Variants in QKI observed in about 807,000 individuals in gnomAD.
QKI encodes KH domain-containing RNA-binding protein QKI.
QKI carries 10 observed loss-of-function variants against 39.0 expected under a neutral mutation model. The ratio of observed to expected loss-of-function variants is 0.26; its 90% CI spans 0.16 to 0.43. QKI has a LOEUF of 0.43. Ranked by LOEUF, QKI falls within the 20% of genes least tolerant of loss-of-function variation. The pLI, the probability that QKI is intolerant of heterozygous loss-of-function variation, is 1.00. For synonymous variants in QKI, 204 were observed against 155.4 expected (o/e 1.31, Z -2.33); for missense variants, 218 against 428.0 (o/e 0.51, Z 4.33).
At chr6:163,454,069 T>TA (rs1790760946) in intron 1 of QKI, among the ~76,000 whole-genome samples, 1 of 152,104 alleles carries the variant, frequency 6.6e-6, no homozygotes, top group African/African-American at 2.4e-5. Flanking sequence ...ATTTAAAAAA[T>TA]ACATTTTATT....
At chr6:163,501,615 C>G (rs1778770777) in intron 3 of QKI, among the ~76,000 whole-genome samples, 1 of 152,144 alleles carries the variant, frequency 6.6e-6, no homozygotes, top group Non-Finnish European at 1.5e-5. Context: ...TAAATTTATG[C>G]TTGTGTAATA....
intron 1 of QKI, among the ~76,000 whole-genome samples, chr6:163,422,786 C>T (rs1168362742): frequency 6.6e-6 from 1 of 152,192 alleles, no homozygotes; most frequent in African/African-American, 2.4e-5. Context: ...GAATAAGTAG[C>T]TGGCCTTAAG....
intron 3 of QKI, among the ~76,000 whole-genome samples, chr6:163,483,677 A>G (rs891950134): frequency 3.9e-5 from 6 of 152,112 alleles, no homozygotes; most frequent in African/African-American, 1.4e-4. Context: ...TCTTTCCACC[A>G]CATCTGCAGT....
intron 1 of QKI, among the ~76,000 whole-genome samples, chr6:163,453,692 T>A (rs927335106): frequency 2.0e-5 from 3 of 152,190 alleles, no homozygotes; most frequent in African/African-American, 7.2e-5. Flanking sequence ...AATAATAAAA[T>A]TCTGCCCTTA....
rs1777702347 is a variant in QKI, at chr6:163,578,414, G to T, written c.*7704G>T. On this transcript the variant is annotated 3_prime_UTR_variant, in exon 8 of 8. Transcript: ENST00000361752. The stretch of plus-strand genomic sequence containing the variant: ...CTGTGCTTGAAACCTGAATTTTAGT[G>T]CTTCCCTTATTACATTCATTGTTTT... 2 of 152,168 alleles carry T rather than the reference G, an allele frequency of 1.3e-5. No individual in the cohort carries two copies. The highest frequency in any genetic ancestry group is 2.9e-5 in the Non-Finnish European group (2 of 68,038). 9.4% of individuals were successfully genotyped at this position (152,168 alleles called of 1,614,324 possible).
At chr6:163,536,963 C>G (rs914258639) in intron 4 of QKI, among the ~76,000 whole-genome samples, 1 of 152,146 alleles carries the variant, frequency 6.6e-6, no homozygotes, top group Non-Finnish European at 1.5e-5. Context: ...AATCCCAACA[C>G]TTTGGGATGC....
rs983471506 is a variant in QKI at position 163,571,976 on chromosome 6, T to G, written c.*1266T>G. 1.3e-5 allele frequency: 2 copies of G among 152,168 alleles called. No individual in the cohort carries two copies. Among genetic ancestry groups the G allele is most frequent in the African/African-American group, 4.8e-5 (2 of 41,438 alleles). The allele number at this position is 152,168 out of a possible 1,614,324, so 9.4% of individuals were successfully genotyped here. ...GTCGCCCAGTATGTGAAAGAAGATA[T>G]GAGGGAGACAAATGAGTTGATAGTT... On this transcript the variant is annotated 3_prime_UTR_variant, in exon 8 of 8. Transcript: ENST00000361752.
intron 3 of QKI, among the ~76,000 whole-genome samples, chr6:163,494,717 G>T (rs1432680213): frequency 6.6e-6 from 1 of 150,402 alleles, no homozygotes. Flanking sequence ...TGTTTATTAT[G>T]ATTTTGCTGT....
intron 3 of QKI, among the ~76,000 whole-genome samples, chr6:163,515,489 A>G (rs1426701632): frequency 3.3e-5 from 5 of 152,154 alleles, no homozygotes; most frequent in African/African-American, 1.2e-4. Context: ...AAATGGAGAG[A>G]TGGAAATATA....
At chr6:163,508,480 G>A (rs1016507346) in intron 3 of QKI, among the ~76,000 whole-genome samples, 4 of 151,826 alleles carry the variant, frequency 2.6e-5, no homozygotes, top group Middle Eastern at 3.4e-3. Flanking sequence ...CCAGAAGAGA[G>A]TAAAATATCT....
At chr6:163,439,534 A>G (rs576533457) in intron 1 of QKI, among the ~76,000 whole-genome samples, 1 of 150,116 alleles carries the variant, frequency 6.7e-6, no homozygotes, top group South Asian at 2.1e-4. Flanking sequence ...TTGTATTCTT[A>G]GTAGAGATGG....
At chr6:163,538,793 A>AT (rs1031906627) in intron 4 of QKI, among the ~76,000 whole-genome samples, 8 of 152,110 alleles carry the variant, frequency 5.3e-5, no homozygotes, top group Non-Finnish European at 1.0e-4. Flanking sequence ...AAGATCATGG[A>AT]TTTTTTTGAA....
rs913607624 is a variant in QKI at position 163,569,456 on chromosome 6, A to G, written c.1010-1238A>G. ...GCCTTAGTCACAATGGCAACAGTAC[A>G]GAAAATTCTATCAAACCTCAGAATA... On this transcript the variant is annotated intron_variant, in intron 7 of 7. Coordinates refer to ENST00000361752, the MANE Select transcript of QKI (RefSeq NM_006775.3). 3 of 1,280,638 alleles carry G rather than the reference A, an allele frequency of 2.3e-6. No homozygotes were observed. The African/African-American group carries it at 4.6e-5, about 20-fold the overall frequency. 79.3% of individuals were successfully genotyped at this position (1,280,638 alleles called of 1,614,324 possible).
chr6:163,490,786 G>T (rs1188344990), intron 3 of QKI, among the ~76,000 whole-genome samples: 1 of 152,124 alleles, frequency 6.6e-6, no homozygotes, highest in African/African-American at 2.4e-5. Context: ...TGGAAGAGAT[G>T]GACAGAAGTG....
At chr6:163,446,614 G>T (rs187915185) in intron 1 of QKI, among the ~76,000 whole-genome samples, 25 of 152,186 alleles carry the variant, frequency 1.6e-4, no homozygotes, top group Middle Eastern at 3.4e-3. Context: ...CCTAAGAAAC[G>T]ACATGACCAG....
chr6:163,443,749 A>G (rs1464543182), intron 1 of QKI, among the ~76,000 whole-genome samples: 1 of 152,236 alleles, frequency 6.6e-6, no homozygotes, highest in East Asian at 1.9e-4. Context: ...CTACATGATT[A>G]TAAACCTTAG....
chr6:163,460,319 T>C (rs948231462), intron 2 of QKI, among the ~76,000 whole-genome samples: 1 of 152,238 alleles, frequency 6.6e-6, no homozygotes, highest in African/African-American at 2.4e-5. Context: ...AATACCCATA[T>C]TGTCAAAGGT....
intron 3 of QKI, among the ~76,000 whole-genome samples, chr6:163,525,983 G>C (rs1455571727): frequency 2.6e-5 from 4 of 152,134 alleles, no homozygotes. Context: ...AGTTGATATT[G>C]ACCACACTAA....
At chr6:163,471,282 A>G (rs751339605) in intron 2 of QKI, among the ~76,000 whole-genome samples, 1 of 152,152 alleles carries the variant, frequency 6.6e-6, no homozygotes, top group African/African-American at 2.4e-5. Context: ...CAGATAAGGA[A>G]AAATGGAGAG....
Sources: allele counts gnomAD v4.1 joint callset (sites outside exome capture counted in the v4.1 genomes callset), GRCh38; gene constraint gnomAD v4.1.1; transcripts MANE v1.5; gene names NCBI Gene and HGNC (gene_info 2026-07-23, HGNC 2026-07-21).